The following EFCAB5 variants were observed in gnomAD, a reference collection of about 807,000 sequenced individuals.
The protein encoded by EFCAB5 is EF-hand calcium-binding domain-containing protein 5.
Under a neutral mutation model 167.9 loss-of-function variants are expected in EFCAB5, and 131 were observed. The observed-to-expected ratio is 0.78, with a 90% CI of 0.68 to 0.90. The LOEUF (loss-of-function observed/expected upper bound fraction) is 0.90, where lower values mean the gene tolerates loss of function less well. Ranked by LOEUF, EFCAB5 falls within the 40% of genes least tolerant of loss-of-function variation. The pLI is 0.00. For synonymous variants in EFCAB5, 574 were observed against 602.8 expected (o/e 0.95, Z 0.70); for missense variants, 1,663 against 1,745.2 (o/e 0.95, Z 0.84).
intron 14 of EFCAB5, among the ~76,000 whole-genome samples, chr17:30,066,564 T>C (rs2070577604): frequency 6.6e-6 from 1 of 151,884 alleles, no homozygotes; most frequent in Non-Finnish European, 1.5e-5. Flanking sequence ...CACATCAAAA[T>C]TGTAGAAAGC....
At chr17:30,040,936 T>A (rs368095336) in intron 8 of EFCAB5, among the ~76,000 whole-genome samples, 1 of 152,206 alleles carries the variant, frequency 6.6e-6, no homozygotes, top group African/African-American at 2.4e-5. Flanking sequence ...CCTCTCATTC[T>A]CTGTTCTTCC....
intron 4 of EFCAB5, among the ~76,000 whole-genome samples, chr17:29,990,847 G>A (rs1429570832): frequency 6.6e-6 from 1 of 152,174 alleles, no homozygotes; most frequent in Non-Finnish European, 1.5e-5. Flanking sequence ...TGCTCGAACA[G>A]TCACTGGGGC....
At chr17:30,070,572 A>C (rs2151818432) in intron 14 of EFCAB5, among the ~76,000 whole-genome samples, 1 of 152,352 alleles carries the variant, frequency 6.6e-6, no homozygotes, top group Non-Finnish European at 1.5e-5. Context: ...AGGTACCAAG[A>C]ACATTCATTG....
At chr17:29,960,787 A>T (rs1391402847) in intron 3 of EFCAB5, among the ~76,000 whole-genome samples, 2 of 152,204 alleles carry the variant, frequency 1.3e-5, no homozygotes, top group African/African-American at 4.8e-5. Flanking sequence ...ATATATACAT[A>T]GAAGTGGGAT....
chr17:29,984,384 GTT>G (rs2068238116), intron 4 of EFCAB5, among the ~76,000 whole-genome samples: 1 of 151,840 alleles, frequency 6.6e-6, no homozygotes, highest in African/African-American at 2.4e-5. Context: ...TAGAGATTTG[GTT>G]GGTTAGCAAT....
intron 19 of EFCAB5, among the ~76,000 whole-genome samples, chr17:30,087,716 C>T (rs1449951843): frequency 1.3e-5 from 2 of 152,092 alleles, no homozygotes; most frequent in Non-Finnish European, 2.9e-5. Context: ...GGGTTGATTC[C>T]ATGTCTTTGC....
intron 9 of EFCAB5, among the ~76,000 whole-genome samples, chr17:30,052,688 T>C (rs767698522): frequency 6.6e-6 from 1 of 152,126 alleles, no homozygotes; most frequent in Non-Finnish European, 1.5e-5. Context: ...TGGGATTCTG[T>C]GAATACTATC....
At chr17:29,935,964 A>G (rs1281596168) in intron 1 of EFCAB5, among the ~76,000 whole-genome samples, 1 of 152,140 alleles carries the variant, frequency 6.6e-6, no homozygotes. Context: ...TTATAGAACT[A>G]TAGAAAAACT....
chr17:30,107,988 T>C lies in EFCAB5; in HGVS notation c.4476T>C (p.Tyr1492=). 6.8e-6 allele frequency: 11 copies of C among 1,607,728 alleles called. No homozygotes were observed. Among genetic ancestry groups the C allele is most frequent in the African/African-American group, 1.3e-5 (1 of 74,732 alleles). Reference sequence around the variant, plus strand: ...CCTCCAAGACTGACAATTATATGTATGCAAAAATGCCAGGGGAAGGTTTGC... The same window carrying C: ...CCTCCAAGACTGACAATTATATGTACGCAAAAATGCCAGGGGAAGGTTTGC... The part of the protein sequence containing the change: ...PLPSKTDNYM[Y]AKMPGEGLQE... The change falls in exon 23 of 23, where the codon TAT becomes TAC. Residue 1492 remains tyrosine (Y), a synonymous_variant. Transcript: ENST00000394835.
At chr17:30,081,843 G>A (rs966229653) in intron 17 of EFCAB5, among the ~76,000 whole-genome samples, 2 of 152,216 alleles carry the variant, frequency 1.3e-5, no homozygotes, top group African/African-American at 2.4e-5. Context: ...AAATGGAGGA[G>A]TATGGAGTTA....
rs751675995 is a variant in EFCAB5 at position 30,030,666 on chromosome 17, CT to C, written c.1045-3550del. The stretch of plus-strand genomic sequence containing the variant: ...CCAGAGAAAGGTTTTTTAACTAATT[CT>C]TTTTTTTTTTTTTGAAACAGGGTCC... On this transcript the variant is annotated intron_variant, in intron 7 of 22. Transcript: ENST00000394835. Among the ~76,000 whole-genome samples the C allele has an allele frequency of 4.9e-3, 689 of 141,668 alleles. 2 individuals are homozygous for C. Among genetic ancestry groups the C allele is most frequent in the Non-Finnish European group, 4.8e-3 (307 of 64,314 alleles). The allele number at this position is 141,668 out of a possible 152,430, so 92.9% of individuals were successfully genotyped here.
Position 30,090,586 on chromosome 17 carries a change from T to A in EFCAB5, c.3849T>A (p.Asp1283Glu), listed in dbSNP as rs771806276. 2 of 1,613,786 alleles carry A rather than the reference T, an allele frequency of 1.2e-6. No individual in the cohort carries two copies. Among genetic ancestry groups the A allele is most frequent in the Non-Finnish European group, 1.7e-6 (2 of 1,179,876 alleles). The change falls in exon 20 of 23, where the codon GAT becomes GAA. Residue 1283 changes from aspartate (D) to glutamate (E), a missense_variant. Transcript: ENST00000394835. Reference protein sequence around the residue: ...NRMLLCQEYKDLQKMMKVVQV... With the variant: ...NRMLLCQEYKELQKMMKVVQV... ...TGTTGTTGTGTCAAGAATATAAAGA[T>A]CTACAGAAAATGATGAAAGTGGTCC...
intron 14 of EFCAB5, among the ~76,000 whole-genome samples, chr17:30,063,723 G>A (rs2070487389): frequency 6.6e-6 from 1 of 152,164 alleles, no homozygotes. Flanking sequence ...GCTGCTTATA[G>A]GCCATGTCAG....
At chr17:29,943,031 G>T (rs1243115626) in intron 2 of EFCAB5, among the ~76,000 whole-genome samples, 1 of 119,596 alleles carries the variant, frequency 8.4e-6, no homozygotes, top group Non-Finnish European at 1.8e-5. Flanking sequence ...GAGTGAAACT[G>T]CATCTCCAAA....
chr17:30,073,416 T>TA (rs1668386733), intron 14 of EFCAB5, among the ~76,000 whole-genome samples: 2 of 152,302 alleles, frequency 1.3e-5, no homozygotes, highest in South Asian at 4.1e-4. Flanking sequence ...TTACAGCAAG[T>TA]ACCTATATAC....
At chr17:30,084,841 A>G (rs1410077642) in intron 18 of EFCAB5, among the ~76,000 whole-genome samples, 1 of 152,082 alleles carries the variant, frequency 6.6e-6, no homozygotes, top group Non-Finnish European at 1.5e-5. Context: ...GTAGAGTGCA[A>G]CTGGGGCATT....
chr17:30,087,437 T>A (rs1477200077), intron 19 of EFCAB5, among the ~76,000 whole-genome samples: 6 of 152,196 alleles, frequency 3.9e-5, no homozygotes, highest in Non-Finnish European at 8.8e-5. Context: ...TTTTTCCTAA[T>A]GTTCTCCCTA....
intron 8 of EFCAB5, among the ~76,000 whole-genome samples, chr17:30,042,268 C>A (rs1411359646): frequency 6.6e-6 from 1 of 152,188 alleles, no homozygotes; most frequent in Non-Finnish European, 1.5e-5. Context: ...CTCAGCCTCC[C>A]AAAGTGCTGG....
At chr17:30,018,682 T>C (rs183431555) in intron 7 of EFCAB5, among the ~76,000 whole-genome samples, 1 of 152,328 alleles carries the variant, frequency 6.6e-6, no homozygotes, top group East Asian at 1.9e-4. Flanking sequence ...CGCTTTTAAA[T>C]TTTGATGCTC....
Sources: gnomAD v4.1 joint callset for allele counts (sites outside exome capture counted in the v4.1 genomes callset) on GRCh38, gnomAD v4.1.1 for gene constraint, MANE v1.5 for transcripts, NCBI Gene and HGNC (gene_info 2026-07-23, HGNC 2026-07-21) for gene names.